Variants in AFG1L observed in about 807,000 individuals in gnomAD.
AFG1L encodes the protein AFG1-like ATPase.
A neutral mutation model predicts 62.2 loss-of-function variants in AFG1L; 53 were observed. That is an observed-to-expected ratio of 0.85 (90% confidence interval 0.68 to 1.07). The LOEUF is 1.07. Ranked by LOEUF, AFG1L falls within the 50% of genes least tolerant of loss-of-function variation. The probability of loss-of-function intolerance (pLI) is 0.00; values close to 1 mark genes in which losing one functional copy is unlikely to be tolerated. For missense variants in AFG1L, 555 were observed against 590.5 expected (o/e 0.94, Z 0.62); for synonymous variants, 228 against 210.3 (o/e 1.08, Z -0.73).
chr6:108,344,544 C>G (rs979117879), intron 2 of AFG1L, among the ~76,000 whole-genome samples: 1 of 152,132 alleles, frequency 6.6e-6, no homozygotes, highest in African/African-American at 2.4e-5. Flanking sequence ...TATGATCATG[C>G]CACTGCACTC....
At chr6:108,399,768 T>C (rs1166910665) in intron 6 of AFG1L, among the ~76,000 whole-genome samples, 4 of 127,148 alleles carry the variant, frequency 3.1e-5, no homozygotes, top group East Asian at 4.7e-4. Context: ...GAAGTATCTC[T>C]CTTTTTTTTT....
intron 7 of AFG1L, among the ~76,000 whole-genome samples, chr6:108,403,949 G>C (rs1188761722): frequency 6.6e-6 from 1 of 152,018 alleles, no homozygotes; most frequent in Non-Finnish European, 1.5e-5. Flanking sequence ...GTTGAACATG[G>C]ACTGAACTTC....
chr6:108,338,686 C>T (rs1249759163), intron 2 of AFG1L, among the ~76,000 whole-genome samples: 1 of 152,120 alleles, frequency 6.6e-6, no homozygotes, highest in African/African-American at 2.4e-5. Flanking sequence ...CCAACTTGAA[C>T]ACGTGGCTTC....
At chr6:108,452,755 C>T (rs190957368) in intron 8 of AFG1L, among the ~76,000 whole-genome samples, 145 of 152,286 alleles carry the variant, frequency 9.5e-4, no homozygotes, top group African/African-American at 3.5e-3. Flanking sequence ...TCAGTTCCCT[C>T]CTTGCTCCTT....
At chr6:108,506,815 CAGTT>C (rs894350644) in intron 10 of AFG1L, among the ~76,000 whole-genome samples, 28 of 152,182 alleles carry the variant, frequency 1.8e-4, no homozygotes, top group African/African-American at 6.8e-4. Flanking sequence ...TTTTGATTGG[CAGTT>C]GGTTGGATCT....
At chr6:108,352,698 G>A (rs1779131964) in intron 3 of AFG1L, among the ~76,000 whole-genome samples, 1 of 152,030 alleles carries the variant, frequency 6.6e-6, no homozygotes, top group African/African-American at 2.4e-5. Context: ...TCGAGTAGCT[G>A]GGACTACAGG....
intron 6 of AFG1L, among the ~76,000 whole-genome samples, chr6:108,393,635 A>G (rs1322406764): frequency 1.3e-5 from 2 of 152,308 alleles, no homozygotes; most frequent in South Asian, 2.1e-4. Flanking sequence ...TTAATGAACT[A>G]AAAGGTGCAT....
At chr6:108,507,695 T>C (rs1774471421) in intron 10 of AFG1L, among the ~76,000 whole-genome samples, 1 of 152,214 alleles carries the variant, frequency 6.6e-6, no homozygotes, top group South Asian at 2.1e-4. Flanking sequence ...TACTTTCTGG[T>C]TTACAAAAGA....
chr6:108,474,040 C>T (rs1042564849), intron 8 of AFG1L, among the ~76,000 whole-genome samples: 3 of 152,188 alleles, frequency 2.0e-5, no homozygotes, highest in Non-Finnish European at 2.9e-5. Context: ...CCTCTCCCCC[C>T]GGCTCCTGAC....
intron 6 of AFG1L, among the ~76,000 whole-genome samples, chr6:108,401,772 G>A (rs1781627608): frequency 6.6e-6 from 1 of 151,862 alleles, no homozygotes; most frequent in South Asian, 2.1e-4. Context: ...TAATTTGATT[G>A]AATACCTTTT....
intron 7 of AFG1L, among the ~76,000 whole-genome samples, chr6:108,443,702 C>G (rs1771639138): frequency 6.6e-6 from 1 of 151,964 alleles, no homozygotes; most frequent in South Asian, 2.1e-4. Context: ...GGGAGAAACC[C>G]TGTCTCCACT....
intron 1 of AFG1L, among the ~76,000 whole-genome samples, chr6:108,306,427 G>C (rs1033538501): frequency 6.6e-6 from 1 of 152,014 alleles, no homozygotes; most frequent in Non-Finnish European, 1.5e-5. Flanking sequence ...CCTCAGGTGC[G>C]GTATAAAACA....
chr6:108,373,158 TAACA>T (rs1199352151), intron 6 of AFG1L, among the ~76,000 whole-genome samples: 1 of 152,080 alleles, frequency 6.6e-6, no homozygotes, highest in African/African-American at 2.4e-5. Flanking sequence ...GCATAGTATC[TAACA>T]GTTAGTTTTT....
intron 6 of AFG1L, among the ~76,000 whole-genome samples, chr6:108,395,403 C>CTTTTTTTTTTTTTTTTTTTT (rs71551344): frequency 4.9e-5 from 6 of 122,938 alleles, no homozygotes; most frequent in Non-Finnish European, 6.6e-5. Context: ...CTTTTCTTTT[C>CTTTTTTTTTTTTTTTTTTTT]TTTTTTTTTT....
intron 10 of AFG1L, among the ~76,000 whole-genome samples, chr6:108,507,828 C>T (rs1371710255): frequency 4.6e-5 from 7 of 152,020 alleles, no homozygotes; most frequent in African/African-American, 1.7e-4. Flanking sequence ...CTCTCGCTTT[C>T]GGGGATTGTT....
chr6:108,402,469 A>T (rs1197098185), intron 7 of AFG1L, among the ~76,000 whole-genome samples: 1 of 22,588 alleles, frequency 4.4e-5, no homozygotes, highest in Non-Finnish European at 7.5e-5. Flanking sequence ...GTCTCGAATA[A>T]AAAAAAAAAA....
intron 1 of AFG1L, among the ~76,000 whole-genome samples, chr6:108,311,232 T>G (rs550126684): frequency 9.8e-5 from 15 of 152,338 alleles, no homozygotes; most frequent in African/African-American, 3.4e-4. Flanking sequence ...TTTTCTAGTG[T>G]TCCACACTGT....
intron 1 of AFG1L, among the ~76,000 whole-genome samples, chr6:108,321,178 A>G (rs1777799735): frequency 6.6e-6 from 1 of 152,212 alleles, no homozygotes; most frequent in South Asian, 2.1e-4. Flanking sequence ...TCTACCTGGC[A>G]ACTACAAATT....
intron 3 of AFG1L, among the ~76,000 whole-genome samples, chr6:108,348,165 G>A (rs553697632): frequency 6.4e-4 from 97 of 152,168 alleles, no homozygotes; most frequent in African/African-American, 2.2e-3. Context: ...TGCAAGCTCC[G>A]CCTCCCGGGT....
Sources: allele counts gnomAD v4.1 joint callset (sites outside exome capture counted in the v4.1 genomes callset), GRCh38; gene constraint gnomAD v4.1.1; transcripts MANE v1.5; gene names NCBI Gene and HGNC (gene_info 2026-07-23, HGNC 2026-07-21).